Variants in ATE1 observed in about 807,000 individuals in gnomAD.
The protein encoded by ATE1 is arginyltransferase 1.
A neutral mutation model predicts 70.5 loss-of-function variants in ATE1; 36 were observed. That is an observed-to-expected ratio of 0.51 (90% CI 0.39 to 0.67). ATE1 has a LOEUF of 0.67. ATE1 is among the 30% of genes least tolerant of loss of function. The pLI is 0.00. For synonymous variants in ATE1, 232 were observed against 219.3 expected, an observed-to-expected ratio of 1.06 and a Z score of -0.51; for missense variants, 593 against 629.5, an observed-to-expected ratio of 0.94 and a Z score of 0.62.
chr10:121,854,644 C>T (rs752218219), intron 8 of ATE1, among the ~76,000 whole-genome samples: 39 of 152,124 alleles, frequency 2.6e-4, no homozygotes, highest in Non-Finnish European at 5.3e-4. Context: ...TCACTCGTGA[C>T]CCATATATTA....
At chr10:121,912,250 A>G (rs1161696274) in intron 4 of ATE1, among the ~76,000 whole-genome samples, 1 of 152,124 alleles carries the variant, frequency 6.6e-6, no homozygotes, top group African/African-American at 2.4e-5. Context: ...TTTTTGTCAT[A>G]GCTGTTTATT....
chr10:121,771,346 G>C (rs2135879395), intron 11 of ATE1, among the ~76,000 whole-genome samples: 1 of 152,274 alleles, frequency 6.6e-6, no homozygotes. Flanking sequence ...TGGGATTACA[G>C]GTGTGAGCCA....
At chr10:121,915,890 CA>C (rs535820496) in intron 3 of ATE1, among the ~76,000 whole-genome samples, 8 of 98,088 alleles carry the variant, frequency 8.2e-5, no homozygotes, top group East Asian at 3.1e-4. Context: ...GACTCCATCT[CA>C]AAAAAAAAAC....
intron 8 of ATE1, among the ~76,000 whole-genome samples, chr10:121,867,790 T>C (rs1949713327): frequency 6.6e-6 from 1 of 152,240 alleles, no homozygotes; most frequent in African/African-American, 2.4e-5. Flanking sequence ...ATGTATTTTA[T>C]ATGTGTTATT....
chr10:121,850,236 A>G (rs72838050), intron 8 of ATE1, among the ~76,000 whole-genome samples: 18 of 152,306 alleles, frequency 1.2e-4, no homozygotes, highest in Admixed American at 3.9e-4. Flanking sequence ...AACACCAAGA[A>G]TGAACCTGTT....
intron 5 of ATE1, among the ~76,000 whole-genome samples, chr10:121,910,486 A>G (rs1017587503): frequency 7.9e-5 from 11 of 138,560 alleles, no homozygotes; most frequent in African/African-American, 2.4e-4. Flanking sequence ...ATACACTAAA[A>G]TTACATTAAA....
rs1951404813 is a variant in ATE1, at chr10:121,911,072, A to G, written c.417T>C (p.Asp139=). 1 of 1,613,246 alleles carries G rather than the reference A, an allele frequency of 6.2e-7. No individual in the cohort carries two copies. The highest frequency in any genetic ancestry group is 8.5e-7 in the Non-Finnish European group (1 of 1,179,944). ...TGATGTCATCACTGAGTGTTTTAAG[A>G]TCACACTGTATATCCAGTTTATTTA... is the stretch of plus-strand genomic sequence containing the variant. The part of the protein sequence containing the change: ...ALINKLDIQC[D]LKTLSDDIKE... Residue 139 remains aspartate (D), a synonymous_variant, in exon 5 of 12, where the codon GAT becomes GAC. Coordinates refer to ENST00000224652, the MANE Select transcript of ATE1 (RefSeq NM_001001976.3).
chr10:121,914,369 ATTT>A (rs35196045), intron 3 of ATE1, among the ~76,000 whole-genome samples: 2 of 148,064 alleles, frequency 1.4e-5, no homozygotes, highest in East Asian at 3.9e-4. Flanking sequence ...CCAGCAAGAG[ATTT>A]TTTTTTTTTT....
intron 8 of ATE1, among the ~76,000 whole-genome samples, chr10:121,844,919 A>G (rs1948760049): frequency 6.8e-6 from 1 of 148,084 alleles, no homozygotes; most frequent in Admixed American, 6.6e-5. Context: ...AAAAAAAAAA[A>G]AGAAGGTTTG....
chr10:121,890,416 T>C (rs909207143), intron 7 of ATE1, among the ~76,000 whole-genome samples: 18 of 152,144 alleles, frequency 1.2e-4, no homozygotes, highest in African/African-American at 4.1e-4. Flanking sequence ...ATAATGGATG[T>C]TAAAATGACT....
chr10:121,787,626 C>CA (rs1318357778), intron 11 of ATE1, among the ~76,000 whole-genome samples: 1 of 152,134 alleles, frequency 6.6e-6, no homozygotes, highest in Non-Finnish European at 1.5e-5. Context: ...GAATTCTAAA[C>CA]AATGTTAAGA....
chr10:121,767,047 G>A (rs1459479821), intron 11 of ATE1, among the ~76,000 whole-genome samples: 2 of 152,138 alleles, frequency 1.3e-5, no homozygotes, highest in African/African-American at 4.8e-5. Context: ...CTAGAAAACA[G>A]AACTCAGTAA....
chr10:121,876,790 C>G (rs1224280523), intron 7 of ATE1, among the ~76,000 whole-genome samples: 1 of 151,934 alleles, frequency 6.6e-6, no homozygotes, highest in African/African-American at 2.4e-5. Context: ...CACAGTGAAA[C>G]CCCGTCTCTA....
chr10:121,827,571 C>T (rs769137774), intron 10 of ATE1, among the ~76,000 whole-genome samples: 3 of 152,174 alleles, frequency 2.0e-5, no homozygotes, highest in Non-Finnish European at 2.9e-5. Context: ...CCTGAGTCCC[C>T]GAACTGATAC....
intron 11 of ATE1, among the ~76,000 whole-genome samples, chr10:121,772,127 A>G (rs890076839): frequency 6.6e-6 from 1 of 152,210 alleles, no homozygotes; most frequent in Non-Finnish European, 1.5e-5. Context: ...CATTCCCCAG[A>G]CATCAGGGAT....
chr10:121,746,792 C>T (rs151213503), intron 11 of ATE1, among the ~76,000 whole-genome samples: 104 of 152,178 alleles, frequency 6.8e-4, no homozygotes, highest in African/African-American at 2.3e-3. Context: ...CCTCAACAGT[C>T]GTTGCTTTCT....
intron 7 of ATE1, among the ~76,000 whole-genome samples, chr10:121,889,810 C>T (rs1950521911): frequency 6.7e-6 from 1 of 149,486 alleles, no homozygotes; most frequent in Non-Finnish European, 1.5e-5. Context: ...AAGACCTTGT[C>T]TCTTAAAAAA....
chr10:121,850,640 T>C (rs1949017398), intron 8 of ATE1, among the ~76,000 whole-genome samples: 1 of 152,200 alleles, frequency 6.6e-6, no homozygotes, highest in African/African-American at 2.4e-5. Context: ...CCATTTATTT[T>C]GGAAGTACAG....
chr10:121,900,736 C>T lies in ATE1; in HGVS notation c.814-742G>A, dbSNP rs569675101. Among the ~76,000 whole-genome samples the T allele has an allele frequency of 5.3e-5, 8 of 152,234 alleles. No individual in the cohort carries two copies. The South Asian group carries it at 1.2e-3, about 24-fold the overall frequency. On this transcript the variant is annotated intron_variant, in intron 6 of 11. Coordinates refer to ENST00000224652, the MANE Select transcript of ATE1 (RefSeq NM_001001976.3). Reference sequence around the variant, plus strand: ...GAGACGTAATTCTATGAAGAAAGAGCGACACCCAGTGGTAAAAGATCTCTA... The same window carrying T: ...GAGACGTAATTCTATGAAGAAAGAGTGACACCCAGTGGTAAAAGATCTCTA...
Sources: gnomAD v4.1 joint callset for allele counts (sites outside exome capture counted in the v4.1 genomes callset) on GRCh38, gnomAD v4.1.1 for gene constraint, MANE v1.5 for transcripts, NCBI Gene and HGNC (gene_info 2026-07-23, HGNC 2026-07-21) for gene names.